Variants in AKR1C8 observed in about 807,000 individuals in gnomAD.
AKR1C8 encodes aldo-keto reductase family 1 member C-like protein 1.
the AKR1C8 span, among the ~76,000 whole-genome samples, chr10:5,140,706 T>A: frequency 1.3e-5 from 2 of 151,834 alleles, no homozygotes; most frequent in Non-Finnish European, 2.9e-5. Flanking sequence ...AAATGACGAG[T>A]TAATGGGTGC....
the AKR1C8 span, among the ~76,000 whole-genome samples, chr10:5,146,294 G>A: frequency 2.2e-4 from 34 of 151,808 alleles, no homozygotes; most frequent in East Asian, 5.8e-4. Context: ...ACATGTATAC[G>A]TATGTAACTA....
chr10:5,132,254 C>T, the AKR1C8 span, among the ~76,000 whole-genome samples: 28 of 152,138 alleles, frequency 1.8e-4, no homozygotes, highest in East Asian at 2.5e-3. Context: ...CTGATGGGCT[C>T]GCTTAAATCT....
chr10:5,176,904 T>A, the AKR1C8 span, among the ~76,000 whole-genome samples: 3 of 152,282 alleles, frequency 2.0e-5, no homozygotes, highest in Non-Finnish European at 2.9e-5. Context: ...TTTCTAGATA[T>A]AGAATCATGT....
chr10:5,150,894 G>A, the AKR1C8 span, among the ~76,000 whole-genome samples: 89 of 152,282 alleles, frequency 5.8e-4, 1 homozygote, highest in South Asian at 0.018. Flanking sequence ...AATTGCAATA[G>A]AGAAAGAGAT....
At chr10:5,176,996 C>G in the AKR1C8 span, among the ~76,000 whole-genome samples, 1 of 151,908 alleles carries the variant, frequency 6.6e-6, no homozygotes, top group Non-Finnish European at 1.5e-5. Context: ...TTGCCCTGGC[C>G]AGAACTTCCA....
chr10:5,168,854 G>A, the AKR1C8 span, among the ~76,000 whole-genome samples: 1 of 152,072 alleles, frequency 6.6e-6, no homozygotes, highest in Non-Finnish European at 1.5e-5. Context: ...AGCACTTTCT[G>A]ATGTACATAT....
At chr10:5,142,504 T>G in the AKR1C8 span, among the ~76,000 whole-genome samples, 1 of 152,106 alleles carries the variant, frequency 6.6e-6, no homozygotes, top group Non-Finnish European at 1.5e-5. Flanking sequence ...CTTTTGTGCT[T>G]AAATGAAAAA....
the AKR1C8 span, among the ~76,000 whole-genome samples, chr10:5,119,450 A>C: frequency 6.6e-6 from 1 of 152,190 alleles, no homozygotes. Context: ...AAGCATAAAT[A>C]TTTGCATAGG....
the AKR1C8 span, among the ~76,000 whole-genome samples, chr10:5,173,826 A>C: frequency 6.6e-6 from 1 of 152,142 alleles, no homozygotes; most frequent in African/African-American, 2.4e-5. Flanking sequence ...AAAGACCTTT[A>C]TAGTTTTCTC....
the AKR1C8 span, among the ~76,000 whole-genome samples, chr10:5,147,415 C>T: frequency 2.5e-3 from 379 of 152,260 alleles, 1 homozygote; most frequent in Non-Finnish European, 4.1e-3. Context: ...TCATCTCAGA[C>T]TCAAGGCAAG....
the AKR1C8 span, among the ~76,000 whole-genome samples, chr10:5,182,638 G>C: frequency 6.6e-6 from 1 of 152,140 alleles, no homozygotes; most frequent in African/African-American, 2.4e-5. Context: ...GGCCAGGTGT[G>C]GTGGCTTATG....
chr10:5,120,954 T>C, the AKR1C8 span, among the ~76,000 whole-genome samples: 18 of 152,310 alleles, frequency 1.2e-4, no homozygotes, highest in South Asian at 3.5e-3. Context: ...CTAATTATGA[T>C]ATTATATATG....
At chr10:5,124,543 T>C in the AKR1C8 span, among the ~76,000 whole-genome samples, 1 of 152,112 alleles carries the variant, frequency 6.6e-6, no homozygotes, top group Admixed American at 6.6e-5. Flanking sequence ...GTAATTACTT[T>C]AAAGCCCCAA....
At chr10:5,121,731 CAT>C in the AKR1C8 span, among the ~76,000 whole-genome samples, 13 of 152,226 alleles carry the variant, frequency 8.5e-5, no homozygotes, top group African/African-American at 3.1e-4. Flanking sequence ...GTCATTATTA[CAT>C]ATTTGTTATC....
At chr10:5,174,325 A>G in the AKR1C8 span, among the ~76,000 whole-genome samples, 9,246 of 151,834 alleles carry the variant, frequency 0.061, 348 homozygotes, top group Middle Eastern at 0.082. Flanking sequence ...AAAAACCACC[A>G]AAGATTTTTG....
At chr10:5,182,052 G>C in the AKR1C8 span, among the ~76,000 whole-genome samples, 2 of 151,914 alleles carry the variant, frequency 1.3e-5, no homozygotes, top group African/African-American at 4.8e-5. Flanking sequence ...TCATCATTTT[G>C]TTTTTTTCAG....
At chr10:5,115,941 C>T in the AKR1C8 span, among the ~76,000 whole-genome samples, 2 of 152,104 alleles carry the variant, frequency 1.3e-5, no homozygotes, top group African/African-American at 4.8e-5. Flanking sequence ...TGATGACTAC[C>T]TTCTTCTACT....
chr10:5,147,212 G>T, the AKR1C8 span, among the ~76,000 whole-genome samples: 1 of 152,086 alleles, frequency 6.6e-6, no homozygotes, highest in Non-Finnish European at 1.5e-5. Flanking sequence ...AAGAAATAAT[G>T]CAAGAATTCA....
the AKR1C8 span, among the ~76,000 whole-genome samples, chr10:5,157,299 A>G: frequency 1.3e-5 from 2 of 152,304 alleles, no homozygotes; most frequent in Admixed American, 1.3e-4. Context: ...TTTAAAATAC[A>G]AATAGGCATT....
Sources: gnomAD v4.1 joint callset for allele counts (sites outside exome capture counted in the v4.1 genomes callset) on GRCh38, gnomAD v4.1.1 for gene constraint, MANE v1.5 for transcripts, NCBI Gene and HGNC (gene_info 2026-07-23, HGNC 2026-07-21) for gene names.